The following SRXN1 variants were observed in gnomAD, a reference collection of about 807,000 sequenced individuals.
SRXN1 encodes sulfiredoxin 1.
Under a neutral mutation model 11.0 loss-of-function variants are expected in SRXN1, and 11 were observed. That is an observed-to-expected ratio of 1.00 (90% confidence interval 0.63 to 1.65). The LOEUF (loss-of-function observed/expected upper bound fraction) is 1.65, where lower values mean the gene tolerates loss of function less well. Among genes scored for constraint, SRXN1 ranks in the 40% most tolerant of loss-of-function variants. The probability of loss-of-function intolerance (pLI) is 0.00; values close to 1 mark genes in which losing one functional copy is unlikely to be tolerated. For synonymous variants in SRXN1, 106 were observed against 92.8 expected, an observed-to-expected ratio of 1.14 and a Z score of -0.82; for missense variants, 211 against 194.5, an observed-to-expected ratio of 1.08 and a Z score of -0.50.
rs868084241 is a variant in SRXN1 at position 647,499 on chromosome 20, T to A, written c.*1215A>T. ...CTAGTCCCAGTTCCAGGCCAAGAACTCAAGAAGTCTTTCAGCTTCTACTCT... is the reference window on the plus strand; with the variant it reads ...CTAGTCCCAGTTCCAGGCCAAGAACACAAGAAGTCTTTCAGCTTCTACTCT... On this transcript the variant is annotated 3_prime_UTR_variant, in exon 2 of 2. Transcript: ENST00000381962. 2.6e-4 allele frequency: 42 copies of A among 159,200 alleles called. No individual in the cohort carries two copies. Among genetic ancestry groups the A allele is most frequent in the South Asian group, 5.5e-4 (3 of 5,426 alleles). 9.9% of individuals were successfully genotyped at this position (159,200 alleles called of 1,614,324 possible).
rs953443782 is a variant in SRXN1, at chr20:653,120, G to C, written c.66C>G (p.Pro22=). The C allele has an allele frequency of 7.5e-6, 10 of 1,337,004 alleles. No individual in the cohort carries two copies. In the African/African-American group the frequency reaches 1.5e-4, roughly 21 times the overall value. 82.8% of individuals were successfully genotyped at this position (1,337,004 alleles called of 1,614,324 possible). ...CGCCCTGCGCGCCGCCGCTCGGCCC[G>C]GGCCCCTCGGGCGCCCCCCGACCCG... The part of the protein sequence containing the change: ...AGAGRGAPEG[P]GPSGGAQGGS... The change falls in exon 1 of 2, where the codon CCC becomes CCG. Residue 22 remains proline (P), a synonymous_variant. Coordinates refer to ENST00000381962, the MANE Select transcript of SRXN1 (RefSeq NM_080725.3).
intron 1 of SRXN1, among the ~76,000 whole-genome samples, chr20:651,850 G>A (rs1476922833): frequency 6.6e-6 from 1 of 152,064 alleles, no homozygotes; most frequent in Non-Finnish European, 1.5e-5. Context: ...AGATAGAAGA[G>A]GTTCTCAACG....
At position 652,963 on chromosome 20, in the gene SRXN1, C is replaced by T. The variant is rs896699265; in HGVS notation, c.210+13G>A. 4 of 1,466,690 alleles carry T rather than the reference C, an allele frequency of 2.7e-6. No homozygotes were observed. The highest frequency in any genetic ancestry group is 3.6e-6 in the Non-Finnish European group (4 of 1,099,668). The allele number at this position is 1,466,690 out of a possible 1,614,324, so 90.9% of individuals were successfully genotyped here. A position where few individuals can be genotyped will look rare whatever the true frequency, so the allele number is the denominator to read the frequency against. On this transcript the variant is annotated intron_variant, in intron 1 of 1. Transcript: ENST00000381962. The stretch of plus-strand genomic sequence containing the variant: ...GCCCTCCCTCCGGTTGGCTGGACTC[C>T]CCGAGGCCTCACCCGGATCGTGTCC...
chr20:650,192 G>A (rs1422020468), intron 1 of SRXN1, among the ~76,000 whole-genome samples: 2 of 152,196 alleles, frequency 1.3e-5, no homozygotes, highest in East Asian at 1.9e-4. Context: ...TCTGATGCAT[G>A]TTCTAGAAAG....
chr20:651,463 C>T (rs1023801277), intron 1 of SRXN1, among the ~76,000 whole-genome samples: 2 of 152,078 alleles, frequency 1.3e-5, no homozygotes, highest in African/African-American at 2.4e-5. Flanking sequence ...GTGGGCAGAT[C>T]GCTTGAGGTC....
chr20:648,049 A>G lies in SRXN1; in HGVS notation c.*665T>C. 2.2e-6 allele frequency: 1 copy of G among 456,102 alleles called. No individual in the cohort carries two copies. Among genetic ancestry groups the G allele is most frequent in the South Asian group, 1.5e-5 (1 of 64,554 alleles). 28.3% of individuals were successfully genotyped at this position (456,102 alleles called of 1,614,324 possible). ...TAAGTGAAGATATGCAGAGGGAGAG[A>G]GCAGGAAACAGACTTCTGACGAGGT... is the stretch of plus-strand genomic sequence containing the variant. On this transcript the variant is annotated 3_prime_UTR_variant, in exon 2 of 2. Coordinates refer to ENST00000381962, the MANE Select transcript of SRXN1 (RefSeq NM_080725.3).
chr20:649,424 G>A (rs1394566843), intron 1 of SRXN1, among the ~76,000 whole-genome samples: 2 of 152,196 alleles, frequency 1.3e-5, no homozygotes, highest in Non-Finnish European at 2.9e-5. Flanking sequence ...AAGTGGGGCC[G>A]GGCACGGTGG....
At chr20:650,699 G>A (rs1258436637) in intron 1 of SRXN1, among the ~76,000 whole-genome samples, 1 of 152,246 alleles carries the variant, frequency 6.6e-6, no homozygotes, top group African/African-American at 2.4e-5. Context: ...GGGGCACACA[G>A]CCCTCTGAAC....
intron 1 of SRXN1, among the ~76,000 whole-genome samples, chr20:652,017 A>G (rs1269697125): frequency 6.6e-6 from 1 of 152,234 alleles, no homozygotes; most frequent in African/African-American, 2.4e-5. Context: ...ATAAAATGCA[A>G]CACAAATAGA....
intron 1 of SRXN1, 73 bp downstream of exon 1, chr20:652,903 C>T (rs1983709996): frequency 3.1e-6 from 4 of 1,293,068 alleles, no homozygotes; most frequent in Non-Finnish European, 3.9e-6. Flanking sequence ...TCCATCGCAG[C>T]GACCTCCCTC....
chr20:647,932 G>A lies in SRXN1; in HGVS notation c.*782C>T, dbSNP rs1245796917. 2.6e-6 allele frequency: 1 copy of A among 377,830 alleles called. No homozygotes were observed. The highest frequency in any genetic ancestry group is 3.2e-5 in the Admixed American group (1 of 31,332). 23.4% of individuals were successfully genotyped at this position (377,830 alleles called of 1,614,324 possible). A position where few individuals can be genotyped will look rare whatever the true frequency, so the allele number is the denominator to read the frequency against. ...CAGTCTCAGTAGATGGAACACGATT[G>A]GTCTATTCAGCCATGACAATTCTGT... On this transcript the variant is annotated 3_prime_UTR_variant, in exon 2 of 2. Transcript: ENST00000381962.
intron 1 of SRXN1, among the ~76,000 whole-genome samples, chr20:651,812 C>T (rs1047107811): frequency 3.3e-5 from 5 of 151,916 alleles, no homozygotes; most frequent in Admixed American, 6.6e-5. Flanking sequence ...ACAGGAAGAC[C>T]GAGAAAGAGT....
At chr20:651,195 A>G (rs1983662620) in intron 1 of SRXN1, among the ~76,000 whole-genome samples, 1 of 152,222 alleles carries the variant, frequency 6.6e-6, no homozygotes, top group Non-Finnish European at 1.5e-5. Context: ...TAGAGCCTAC[A>G]GAAAGTAGTG....
At position 653,150 on chromosome 20, in the gene SRXN1, G is replaced by T; in HGVS notation, c.36C>A (p.Ala12=). The change falls in exon 1 of 2, where the codon GCC becomes GCA. Residue 12 remains alanine (A), a synonymous_variant. Transcript: ENST00000381962. ...CCTCGGGCGCCCCCCGACCCGCGCC[G>T]GCCCTGCCCAGCGTTCCTCCTGCAC... The part of the protein sequence containing the change: ...GLRAGGTLGR[A]GAGRGAPEGP... 2 of 1,274,426 alleles carry T rather than the reference G, an allele frequency of 1.6e-6. No individual in the cohort carries two copies. The highest frequency in any genetic ancestry group is 9.8e-7 in the Non-Finnish European group (1 of 1,015,432). 78.9% of individuals were successfully genotyped at this position (1,274,426 alleles called of 1,614,324 possible).
chr20:648,936 G>GGT lies in SRXN1; in HGVS notation c.211-20_211-19insAC. Reference sequence around the variant, plus strand: ...GGTCCTCCTGGGGAGAAGAGGCACAGAGTCAATGGACATGGTACAAGGCTT... The same window carrying GGT: ...GGTCCTCCTGGGGAGAAGAGGCACAGGTAGTCAATGGACATGGTACAAGGCTT... On this transcript the variant is annotated intron_variant, in intron 1 of 1. Coordinates refer to ENST00000381962, the MANE Select transcript of SRXN1 (RefSeq NM_080725.3). 6.2e-7 allele frequency: 1 copy of GGT among 1,613,338 alleles called. No homozygotes were observed. The highest frequency in any genetic ancestry group is 8.5e-7 in the Non-Finnish European group (1 of 1,179,624).
At chr20:651,956 G>C (rs1983684579) in intron 1 of SRXN1, among the ~76,000 whole-genome samples, 1 of 152,226 alleles carries the variant, frequency 6.6e-6, no homozygotes, top group Non-Finnish European at 1.5e-5. Flanking sequence ...AGATAAGATG[G>C]GACGAGGTCC....
rs1203606879 is a variant in SRXN1, at chr20:648,688, G to A, written c.*26C>T. 2.5e-6 allele frequency: 4 copies of A among 1,612,584 alleles called. No individual in the cohort carries two copies. The African/African-American group carries it at 5.3e-5, about 22-fold the overall frequency. ...CAGGTGTGTCTTCTGGGCTCTTGAA[G>A]GTGGCAGCAGGTGCCAAGGAGGCTG... is the stretch of plus-strand genomic sequence containing the variant. On this transcript the variant is annotated 3_prime_UTR_variant, in exon 2 of 2. Coordinates refer to ENST00000381962, the MANE Select transcript of SRXN1 (RefSeq NM_080725.3).
intron 1 of SRXN1, among the ~76,000 whole-genome samples, chr20:650,455 G>A (rs1288857430): frequency 6.6e-6 from 1 of 152,246 alleles, no homozygotes; most frequent in Non-Finnish European, 1.5e-5. Flanking sequence ...GCCAGGTGGA[G>A]AGTAGGTCAT....
At chr20:648,948 A>ATGG in intron 1 of SRXN1, 31 bp from the exon 2 acceptor site, 1 of 1,611,380 alleles carries the variant, frequency 6.2e-7, no homozygotes, top group Non-Finnish European at 8.5e-7. Flanking sequence ...GTCAATGGAC[A>ATGG]TGGTACAAGG....
Sources: allele counts gnomAD v4.1 joint callset (sites outside exome capture counted in the v4.1 genomes callset), GRCh38; gene constraint gnomAD v4.1.1; transcripts MANE v1.5; gene names NCBI Gene and HGNC (gene_info 2026-07-23, HGNC 2026-07-21).